Variants in CLSTN2 observed in about 807,000 individuals in gnomAD.
CLSTN2 encodes calsyntenin 2.
Under a neutral mutation model 101.2 loss-of-function variants are expected in CLSTN2, and 48 were observed. That is an observed-to-expected ratio of 0.47 (90% confidence interval 0.38 to 0.60). The LOEUF is 0.60. Ranked by LOEUF, CLSTN2 falls within the 20% of genes least tolerant of loss-of-function variation. CLSTN2 has a pLI of 0.00. For synonymous variants in CLSTN2, 481 were observed against 463.6 expected (o/e 1.04, Z -0.48); for missense variants, 1,160 against 1,238.2 (o/e 0.94, Z 0.95).
Position 140,312,959 on chromosome 3 carries a change from T to C in CLSTN2, c.233-90670T>C, listed in dbSNP as rs554805333. Among the ~76,000 whole-genome samples, 12 of 152,352 alleles carry C rather than the reference T, an allele frequency of 7.9e-5. No individual in the cohort carries two copies. In the South Asian group the frequency reaches 2.5e-3, roughly 32 times the overall value. On this transcript the variant is annotated intron_variant, in intron 2 of 16. Coordinates refer to ENST00000458420, the MANE Select transcript of CLSTN2 (RefSeq NM_022131.3). ...AACAATTTCTATTTTGTGTTATTGGTATATTTGTTAATTTCTTTTTGAACA... is the reference window on the plus strand; with the variant it reads ...AACAATTTCTATTTTGTGTTATTGGCATATTTGTTAATTTCTTTTTGAACA...
At chr3:140,416,071 C>T (rs558427058) in intron 4 of CLSTN2, among the ~76,000 whole-genome samples, 42 of 152,156 alleles carry the variant, frequency 2.8e-4, no homozygotes, top group African/African-American at 9.6e-4. Context: ...TGGATGAACC[C>T]GAAGGACGTT....
chr3:140,434,229 G>T (rs1366223897), intron 5 of CLSTN2, among the ~76,000 whole-genome samples: 1 of 152,204 alleles, frequency 6.6e-6, no homozygotes, highest in East Asian at 1.9e-4. Context: ...GGAGGAACTG[G>T]ATGGAGAGCC....
intron 8 of CLSTN2, among the ~76,000 whole-genome samples, chr3:140,511,240 T>C (rs1934807393): frequency 6.6e-6 from 1 of 152,234 alleles, no homozygotes; most frequent in Non-Finnish European, 1.5e-5. Context: ...GGTGTATACG[T>C]AGCACATTTT....
intron 1 of CLSTN2, among the ~76,000 whole-genome samples, chr3:139,974,673 A>T (rs1935780521): frequency 6.6e-6 from 1 of 152,222 alleles, no homozygotes; most frequent in Admixed American, 6.5e-5. Context: ...AATCCCTGTT[A>T]AGAGGTAGAA....
chr3:140,309,778 G>A (rs2087147444), intron 2 of CLSTN2, among the ~76,000 whole-genome samples: 1 of 151,966 alleles, frequency 6.6e-6, no homozygotes, highest in Admixed American at 6.6e-5. Context: ...ATTCTGTGGG[G>A]CCTTCGTGTC....
intron 2 of CLSTN2, among the ~76,000 whole-genome samples, chr3:140,242,013 T>C (rs543789903): frequency 1.3e-5 from 2 of 152,054 alleles, no homozygotes; most frequent in East Asian, 3.9e-4. Flanking sequence ...GTTCAAGCGA[T>C]TCTCCTGCCT....
intron 1 of CLSTN2, among the ~76,000 whole-genome samples, chr3:140,114,440 C>G (rs1458215568): frequency 1.3e-5 from 2 of 152,100 alleles, no homozygotes; most frequent in Non-Finnish European, 2.9e-5. Flanking sequence ...GTCTCCCTCA[C>G]TGGCCTGTAA....
chr3:140,546,395 A>T, intron 9 of CLSTN2, 120 bp from the exon 10 acceptor site: 1 of 983,924 alleles, frequency 1.0e-6, no homozygotes. Flanking sequence ...CTCAGAAGGA[A>T]AAGCTCAGGT....
chr3:140,509,456 C>T (rs1023927268), intron 8 of CLSTN2, among the ~76,000 whole-genome samples: 4 of 152,122 alleles, frequency 2.6e-5, no homozygotes, highest in African/African-American at 9.7e-5. Context: ...GGTTCAGAGA[C>T]CACACTTTGA....
At chr3:139,966,896 A>G (rs576267223) in intron 1 of CLSTN2, among the ~76,000 whole-genome samples, 1 of 152,296 alleles carries the variant, frequency 6.6e-6, no homozygotes, top group African/African-American at 2.4e-5. Flanking sequence ...CAGTAACAGT[A>G]TTGAGTGAGG....
At chr3:140,166,699 C>T (rs539624670) in intron 1 of CLSTN2, among the ~76,000 whole-genome samples, 10 of 152,168 alleles carry the variant, frequency 6.6e-5, no homozygotes, top group Non-Finnish European at 1.5e-4. Context: ...GGTGGCAAGA[C>T]CTAATTTCTG....
intron 6 of CLSTN2, chr3:140,454,448 G>A (rs914266955): frequency 6.6e-6 from 1 of 152,142 alleles, no homozygotes; most frequent in African/African-American, 2.4e-5. Context: ...TTTATTGTGG[G>A]ATCAATAGTG....
Position 140,137,050 on chromosome 3 carries a change from A to C in CLSTN2, c.110-38901A>C, listed in dbSNP as rs1482545574. ...GAGGTTGAAGCTATATTTATTCAACAAGTATTTATTAACTACTAACCATGT... is the reference window on the plus strand; with the variant it reads ...GAGGTTGAAGCTATATTTATTCAACCAGTATTTATTAACTACTAACCATGT... On this transcript the variant is annotated intron_variant, in intron 1 of 16. Coordinates refer to ENST00000458420, the MANE Select transcript of CLSTN2 (RefSeq NM_022131.3). 2.6e-5 allele frequency among the ~76,000 whole-genome samples: 4 copies of C among 152,318 alleles called. No homozygotes were observed. The East Asian group carries it at 7.7e-4, about 29-fold the overall frequency.
chr3:140,296,586 C>G (rs908998466), intron 2 of CLSTN2, among the ~76,000 whole-genome samples: 2 of 152,322 alleles, frequency 1.3e-5, no homozygotes, highest in East Asian at 3.9e-4. Context: ...GGATGCTCAT[C>G]ATTTTCTTAC....
chr3:139,960,246 T>TGTGAG (rs1935483957), intron 1 of CLSTN2, among the ~76,000 whole-genome samples: 1 of 152,248 alleles, frequency 6.6e-6, no homozygotes, highest in Non-Finnish European at 1.5e-5. Flanking sequence ...AATTTGTTCC[T>TGTGAG]GTGAGGTGAG....
intron 2 of CLSTN2, among the ~76,000 whole-genome samples, chr3:140,401,266 C>T (rs1029677707): frequency 6.6e-6 from 1 of 152,216 alleles, no homozygotes; most frequent in Admixed American, 6.5e-5. Flanking sequence ...TTGATGAAAA[C>T]AAAGTGGGTC....
chr3:140,122,298 T>C (rs953206073), intron 1 of CLSTN2, among the ~76,000 whole-genome samples: 8 of 152,152 alleles, frequency 5.3e-5, no homozygotes, highest in Non-Finnish European at 8.8e-5. Context: ...CTGTGTGGGT[T>C]TGGTATTTAT....
intron 2 of CLSTN2, among the ~76,000 whole-genome samples, chr3:140,182,616 T>C (rs2010427018): frequency 6.6e-6 from 1 of 152,190 alleles, no homozygotes; most frequent in African/African-American, 2.4e-5. Flanking sequence ...TCCCCTGGTA[T>C]CCCACTCTGC....
At chr3:140,115,577 G>A (rs189752749) in intron 1 of CLSTN2, among the ~76,000 whole-genome samples, 1 of 152,296 alleles carries the variant, frequency 6.6e-6, no homozygotes, top group Non-Finnish European at 1.5e-5. Context: ...CTTCTGATTA[G>A]ATTTTCTCCC....
Sources: gnomAD v4.1 joint callset for allele counts (sites outside exome capture counted in the v4.1 genomes callset) on GRCh38, gnomAD v4.1.1 for gene constraint, MANE v1.5 for transcripts, NCBI Gene and HGNC (gene_info 2026-07-23, HGNC 2026-07-21) for gene names.